NUP50: variants seen among roughly 807,000 people sequenced by gnomAD.
The protein encoded by NUP50 is nucleoporin 50.
Under a neutral mutation model 36.8 loss-of-function variants are expected in NUP50, and 14 were observed. That is an observed-to-expected ratio of 0.38 (90% CI 0.25 to 0.59). The LOEUF is 0.59. Ranked by LOEUF, NUP50 falls within the 20% of genes least tolerant of loss-of-function variation. The probability of loss-of-function intolerance (pLI) is 0.63; values close to 1 mark genes in which losing one functional copy is unlikely to be tolerated. For missense variants in NUP50, 455 were observed against 564.6 expected (o/e 0.81, Z 1.97); for synonymous variants, 195 against 210.8 (o/e 0.93, Z 0.65).
chr22:45,170,943 A>G (rs1317980415), intron 2 of NUP50: 1 of 1,287,776 alleles, frequency 7.8e-7, no homozygotes, highest in East Asian at 5.6e-5. Context: ...AAACAACTAT[A>G]GGTGAGAATT....
intron 1 of NUP50, among the ~76,000 whole-genome samples, chr22:45,167,872 A>G (rs888169290): frequency 6.6e-6 from 1 of 152,208 alleles, no homozygotes; most frequent in African/African-American, 2.4e-5. Context: ...TAAAAAATCA[A>G]TTGATATTTC....
chr22:45,178,184 G>C, intron 4 of NUP50, 54 bp from the exon 5 acceptor site: 1 of 1,517,002 alleles, frequency 6.6e-7, no homozygotes, highest in Non-Finnish European at 9.0e-7. Flanking sequence ...AAAAAATCTA[G>C]ATGATTTAAT....
chr22:45,173,029 T>G (rs1264260463), intron 3 of NUP50, among the ~76,000 whole-genome samples: 2 of 152,196 alleles, frequency 1.3e-5, no homozygotes, highest in Non-Finnish European at 1.5e-5. Context: ...GCTCTTTCTC[T>G]GCTCCATTGC....
At chr22:45,174,326 C>A (rs1371450121) in intron 3 of NUP50, among the ~76,000 whole-genome samples, 1 of 151,966 alleles carries the variant, frequency 6.6e-6, no homozygotes, top group Non-Finnish European at 1.5e-5. Flanking sequence ...TACAGGCATG[C>A]GCCACCACAC....
chr22:45,184,860 A>AAT lies in NUP50; in HGVS notation c.*206_*207insTA, dbSNP rs1370822664. 1.7e-6 allele frequency: 1 copy of AAT among 599,634 alleles called. No homozygotes were observed. Among genetic ancestry groups the AAT allele is most frequent in the Non-Finnish European group, 3.0e-6 (1 of 331,412 alleles). 37.1% of individuals were successfully genotyped at this position (599,634 alleles called of 1,614,324 possible). The stretch of plus-strand genomic sequence containing the variant: ...ACTCTCCCTTCTTAAGAACTGCCTA[A>AAT]AGTGTAAAATACATTTGAATGCAAT... On this transcript the variant is annotated 3_prime_UTR_variant, in exon 8 of 8. Coordinates refer to ENST00000347635, the MANE Select transcript of NUP50 (RefSeq NM_007172.4).
intron 5 of NUP50, among the ~76,000 whole-genome samples, chr22:45,179,882 CAAAAG>C (rs1336199526): frequency 6.6e-6 from 1 of 152,116 alleles, no homozygotes; most frequent in Non-Finnish European, 1.5e-5. Context: ...CTTGCCTCAA[CAAAAG>C]AAAAAGTGTA....
At chr22:45,167,799 A>T (rs930418382) in intron 1 of NUP50, among the ~76,000 whole-genome samples, 8 of 152,230 alleles carry the variant, frequency 5.3e-5, no homozygotes, top group African/African-American at 1.2e-4. Context: ...TTCAGTATGT[A>T]TATGCGTAGA....
rs562744578 is a variant in NUP50, at chr22:45,181,470, G to A, written c.1085+103G>A. 4.8e-5 allele frequency: 30 copies of A among 623,502 alleles called. 1 individual carries two copies. The highest frequency in any genetic ancestry group is 1.9e-4 in the South Asian group (8 of 42,586). 38.6% of individuals were successfully genotyped at this position (623,502 alleles called of 1,614,324 possible). A position where few individuals can be genotyped will look rare whatever the true frequency, so the allele number is the denominator to read the frequency against. On this transcript the variant is annotated intron_variant, in intron 6 of 7. Transcript: ENST00000347635. Reference sequence around the variant, plus strand: ...GGCACTTGACTGAGCTTCCAGTCTCGGGGTCAAGCTTTGCCTGCTCTCAAG... The same window carrying A: ...GGCACTTGACTGAGCTTCCAGTCTCAGGGTCAAGCTTTGCCTGCTCTCAAG...
chr22:45,184,248 G>C (rs2074431796), intron 7 of NUP50: 1 of 583,788 alleles, frequency 1.7e-6, no homozygotes, highest in South Asian at 2.1e-5. Context: ...GAGGGAGGAC[G>C]GAAGGCCACT....
At chr22:45,175,004 C>T (rs2074255328) in intron 3 of NUP50, among the ~76,000 whole-genome samples, 2 of 151,272 alleles carry the variant, frequency 1.3e-5, no homozygotes, top group Admixed American at 1.3e-4. Flanking sequence ...ATAATTCACT[C>T]ATGTGGAAAC....
chr22:45,170,933 A>G, intron 2 of NUP50: 1 of 1,279,222 alleles, frequency 7.8e-7, no homozygotes, highest in Non-Finnish European at 1.0e-6. Context: ...ATATGATCTG[A>G]AACAACTATA....
intron 6 of NUP50, 102 bp downstream of exon 6, chr22:45,181,469 C>G (rs1205752892): frequency 3.2e-6 from 2 of 620,780 alleles, no homozygotes; most frequent in Non-Finnish European, 5.4e-6. Context: ...CTTCCAGTCT[C>G]GGGGTCAAGC....
chr22:45,168,341 G>A, intron 2 of NUP50, 95 bp downstream of exon 2: 1 of 867,984 alleles, frequency 1.2e-6, no homozygotes, highest in Non-Finnish European at 1.8e-6. Flanking sequence ...AGAACTAAAA[G>A]ACCTTTCTAA....
At chr22:45,168,055 A>G (rs1262743164) in intron 1 of NUP50, 113 bp from the exon 2 acceptor site, 2 of 779,282 alleles carry the variant, frequency 2.6e-6, no homozygotes, top group African/African-American at 3.6e-5. Flanking sequence ...TTTTTCCCTG[A>G]TAAAAAAACC....
intron 4 of NUP50, among the ~76,000 whole-genome samples, chr22:45,176,925 A>G (rs2074285435): frequency 6.6e-6 from 1 of 152,100 alleles, no homozygotes; most frequent in Admixed American, 6.5e-5. Context: ...TAATTTTAGT[A>G]GAGACGGGGT....
In NUP50 at chr22:45,170,225, A is replaced by G. The variant is rs2074165919; in HGVS notation, c.70-1375A>G. Among the ~76,000 whole-genome samples the G allele has an allele frequency of 2.7e-5, 4 of 148,448 alleles. 1 individual carries two copies. The South Asian group carries it at 8.7e-4, about 32-fold the overall frequency. Reference sequence around the variant, plus strand: ...TCAGCACGCCCAGCCATTCAGGGCCACTGCCGGTCTCCGTGTCTTGGTGGT... The same window carrying G: ...TCAGCACGCCCAGCCATTCAGGGCCGCTGCCGGTCTCCGTGTCTTGGTGGT... On this transcript the variant is annotated intron_variant, in intron 2 of 7. Coordinates refer to ENST00000347635, the MANE Select transcript of NUP50 (RefSeq NM_007172.4).
rs2083464214 is a variant in NUP50, at chr22:45,187,705, G to A, written c.*3050G>A. ...TGATTTGTCCCGTAGTATGGCAGAT[G>A]ACAGGGAGGTCTTTTCCAAGCAGGC... On this transcript the variant is annotated 3_prime_UTR_variant, in exon 8 of 8. Coordinates refer to ENST00000347635, the MANE Select transcript of NUP50 (RefSeq NM_007172.4). 6.6e-6 allele frequency: 1 copy of A among 152,272 alleles called. No individual in the cohort carries two copies. Among genetic ancestry groups the A allele is most frequent in the South Asian group, 2.1e-4 (1 of 4,828 alleles). 9.4% of individuals were successfully genotyped at this position (152,272 alleles called of 1,614,324 possible). A position where few individuals can be genotyped will look rare whatever the true frequency, so the allele number is the denominator to read the frequency against.
At position 45,186,134 on chromosome 22, in the gene NUP50, G is replaced by A. The variant is rs1428694726; in HGVS notation, c.*1479G>A. 1 of 152,242 alleles carries A rather than the reference G, an allele frequency of 6.6e-6. No individual in the cohort carries two copies. The highest frequency in any genetic ancestry group is 1.5e-5 in the Non-Finnish European group (1 of 68,046). 9.4% of individuals were successfully genotyped at this position (152,242 alleles called of 1,614,324 possible). ...GGTGTGATTGGGCCAATGTTGGCAT[G>A]AGGTTCTTGCTCTACTTCCAGTGTT... On this transcript the variant is annotated 3_prime_UTR_variant, in exon 8 of 8. Coordinates refer to ENST00000347635, the MANE Select transcript of NUP50 (RefSeq NM_007172.4).
intron 6 of NUP50, among the ~76,000 whole-genome samples, chr22:45,183,085 CGGGGGGGG>C (rs60488848): frequency 3.5e-5 from 4 of 114,204 alleles, no homozygotes; most frequent in African/African-American, 6.7e-5. Context: ...GGGTTGGGGG[CGGGGGGGG>C]GGGGGGGTTG....
Sources: gnomAD v4.1 joint callset for allele counts (sites outside exome capture counted in the v4.1 genomes callset) on GRCh38, gnomAD v4.1.1 for gene constraint, MANE v1.5 for transcripts, NCBI Gene and HGNC (gene_info 2026-07-23, HGNC 2026-07-21) for gene names.